The following DMPK variants were observed in gnomAD, a reference collection of about 807,000 sequenced individuals.
The protein encoded by DMPK is myotonin-protein kinase.
In DMPK, 32 loss-of-function variants were observed where a neutral mutation model predicts 70.3. The ratio of observed to expected loss-of-function variants is 0.46; its 90% CI spans 0.34 to 0.61. The LOEUF is 0.61. Ranked by LOEUF, DMPK falls within the 20% of genes least tolerant of loss-of-function variation. The pLI is 0.01. For missense variants in DMPK, 899 were observed against 886.0 expected, an observed-to-expected ratio of 1.01 and a Z score of -0.19; for synonymous variants, 469 against 390.9, an observed-to-expected ratio of 1.20 and a Z score of -2.36.
In DMPK at chr19:45,771,121, G is replaced by C. The variant is rs902727249; in HGVS notation, c.1648-61C>G. ...CCAGCCCAGCCCTCAGCGGTGGGGC[G>C]AGAGACAGCGAGGGGAATCGAGGTT... On this transcript the variant is annotated intron_variant, in intron 13 of 14. Coordinates refer to ENST00000291270, the MANE Select transcript of DMPK (RefSeq NM_004409.5). 4 of 1,342,614 alleles carry C rather than the reference G, an allele frequency of 3.0e-6. No homozygotes were observed. The African/African-American group carries it at 4.4e-5, about 15-fold the overall frequency. 83.2% of individuals were successfully genotyped at this position (1,342,614 alleles called of 1,614,324 possible). A position where few individuals can be genotyped will look rare whatever the true frequency, so the allele number is the denominator to read the frequency against.
rs776670683 is a variant in DMPK, at chr19:45,771,598, T to A, written c.1570A>T (p.Met524Leu). The part of the protein sequence containing the change: ...EAHVRQLQER[M>L]ELLQAEGATA... ...GCTCCCTCTGCCTGCAGCAACTCCA[T>A]CCGCTCCTGCAACTGCCGGACGTGT... Residue 524 changes from methionine to leucine, a missense_variant, in exon 12 of 15, where the codon ATG (methionine) becomes TTG (leucine). Physicochemically the swap from Met to Leu is conservative, Grantham distance 15. Around this residue, in one of 3 missense-constraint regions of DMPK, gnomAD observed 555 missense variants for 483.8 expected, o/e 1.15. Coordinates refer to ENST00000291270, the MANE Select transcript of DMPK (RefSeq NM_004409.5). 4 of 1,613,960 alleles carry A rather than the reference T, an allele frequency of 2.5e-6. No homozygotes were observed. The Admixed American group carries it at 5.0e-5, about 20-fold the overall frequency.
chr19:45,770,642 T>A lies in DMPK; in HGVS notation c.1738-2A>T. The A allele has an allele frequency of 6.4e-7, 1 of 1,551,036 alleles. No individual in the cohort carries two copies. The highest frequency in any genetic ancestry group is 8.7e-7 in the Non-Finnish European group (1 of 1,147,232). ...CTCCGATAGGCCAGGCCTAGGGACC[T>A]GCGGGGAGAGGGCGAGGTCAACACC... On this transcript the variant is annotated splice_acceptor_variant, in intron 14 of 14. Transcript: ENST00000291270. LOFTEE classifies it high-confidence loss of function.
At chr19:45,776,134 ATTT>A (rs534946812) in intron 8 of DMPK, among the ~76,000 whole-genome samples, 1 of 48,370 alleles carries the variant, frequency 2.1e-5, no homozygotes, top group African/African-American at 8.4e-5. Context: ...GGTCCAGCCT[ATTT>A]TTTTTTTTTT....
chr19:45,782,146 GCCCCAC>G, intron 1 of DMPK, 41 bp downstream of exon 1: 15 of 895,704 alleles, frequency 1.7e-5, no homozygotes, highest in Non-Finnish European at 2.1e-5. Context: ...CCTGTCTCCT[GCCCCAC>G]CCCCACCCCA....
rs190905403 is a variant in DMPK at position 45,770,472 on chromosome 19, A to C, written c.*16T>G. On this transcript the variant is annotated 3_prime_UTR_variant, in exon 15 of 15. Transcript: ENST00000291270. ...GTCTTCCAACGGGGCCCCGGAGTCG[A>C]AGACAGTTCTAGGGTTCAGGGAGCG... 7.6e-4 allele frequency: 1,179 copies of C among 1,549,850 alleles called. 5 individuals are homozygous for C. The highest frequency in any genetic ancestry group is 1.6e-3 in the South Asian group (135 of 84,020).
intron 4 of DMPK, chr19:45,779,048 C>T: frequency 1.7e-6 from 1 of 605,410 alleles, no homozygotes; most frequent in Non-Finnish European, 2.9e-6. Context: ...AAGAGTCCCC[C>T]AGATCACCCC....
At chr19:45,772,235 C>G (rs950063585) in intron 10 of DMPK, 1 of 415,028 alleles carries the variant, frequency 2.4e-6, no homozygotes. Context: ...CGACAAAAGG[C>G]CTTGCTGGGT....
chr19:45,775,861 C>G lies in DMPK; in HGVS notation c.1147-827G>C, dbSNP rs536346070. 6.7e-5 allele frequency among the ~76,000 whole-genome samples: 6 copies of G among 89,786 alleles called. 2 individuals are homozygous for G. The South Asian group carries it at 3.3e-3, about 49-fold the overall frequency. The allele number at this position is 89,786 out of a possible 152,430, so 58.9% of individuals were successfully genotyped here. A position where few individuals can be genotyped will look rare whatever the true frequency, so the allele number is the denominator to read the frequency against. On this transcript the variant is annotated intron_variant, in intron 8 of 14. Transcript: ENST00000291270. ...TTTGAGACAGAGTCTCACTCTGTCA[C>G]CCAGACTGGAGTGTAGTGGCATGAT... is the stretch of plus-strand genomic sequence containing the variant.
chr19:45,780,947 C>G (rs1442909463), intron 1 of DMPK, among the ~76,000 whole-genome samples: 1 of 152,136 alleles, frequency 6.6e-6, no homozygotes, highest in Non-Finnish European at 1.5e-5. Flanking sequence ...CCCTACCCCA[C>G]CCGGTCTCAG....
Position 45,771,046 on chromosome 19 carries a change from CG to C in DMPK, c.1661del (p.Pro554ArgfsTer79). The C allele has an allele frequency of 8.6e-6, 13 of 1,515,604 alleles. No individual in the cohort carries two copies. The highest frequency in any genetic ancestry group is 6.5e-5 in the Admixed American group (3 of 46,262). 93.9% of individuals were successfully genotyped at this position (1,515,604 alleles called of 1,614,324 possible). A position where few individuals can be genotyped will look rare whatever the true frequency, so the allele number is the denominator to read the frequency against. ...TDPPSHLDGP[P>X]AVAVGQCPLV... Reference sequence around the variant, plus strand: ...GCGGGCACTGGCCCACAGCCACGGCCGGGGGGCCATCTAGCTGGAGAGAGAA... The same window carrying C: ...GCGGGCACTGGCCCACAGCCACGGCCGGGGGCCATCTAGCTGGAGAGAGAA... On this transcript the variant is annotated frameshift_variant, in exon 14 of 15. Transcript: ENST00000291270. LOFTEE classifies it high-confidence loss of function.
At chr19:45,770,923 G>A (rs1291923884) in intron 14 of DMPK, 48 bp downstream of exon 14, 12 of 1,329,082 alleles carry the variant, frequency 9.0e-6, no homozygotes, top group African/African-American at 1.5e-5. Flanking sequence ...AGGGGCGGGT[G>A]GAGCGCGGGG....
rs1352885212 is a variant in DMPK at position 45,770,808 on chromosome 19, A to G, written c.1737+163T>C. ...CTCGCACGCCTCGAATCCCGTCCGA[A>G]CTCGTCATTGGCTGCTTCCTAGCGG... is the stretch of plus-strand genomic sequence containing the variant. On this transcript the variant is annotated intron_variant, in intron 14 of 14. Transcript: ENST00000291270. The G allele has an allele frequency of 9.1e-6, 9 of 984,912 alleles. No homozygotes were observed. The East Asian group carries it at 2.1e-4, about 23-fold the overall frequency. The allele number at this position is 984,912 out of a possible 1,614,324, so 61.0% of individuals were successfully genotyped here.
intron 4 of DMPK, 166 bp from the exon 5 acceptor site, chr19:45,778,807 G>A (rs1053037688): frequency 4.3e-6 from 3 of 696,270 alleles, no homozygotes; most frequent in East Asian, 2.8e-5. Context: ...GAGACCACCT[G>A]CGGCCCCCGC....
chr19:45,770,177 G>A lies in DMPK; in HGVS notation c.*311C>T. ...TCCACGTCAGGGCCTCAGCCTGGCC[G>A]AAAGAAAGAAATGGTCTGTGATCCC... On this transcript the variant is annotated 3_prime_UTR_variant, in exon 15 of 15. Coordinates refer to ENST00000291270, the MANE Select transcript of DMPK (RefSeq NM_004409.5). The A allele has an allele frequency of 1.5e-6, 1 of 678,164 alleles. No homozygotes were observed. Among genetic ancestry groups the A allele is most frequent in the South Asian group, 1.7e-5 (1 of 57,898 alleles). The allele number at this position is 678,164 out of a possible 1,614,324, so 42.0% of individuals were successfully genotyped here. A position where few individuals can be genotyped will look rare whatever the true frequency, so the allele number is the denominator to read the frequency against.
At chr19:45,779,221 G>A (rs374692384) in intron 4 of DMPK, 43 bp downstream of exon 4, 31 of 1,585,878 alleles carry the variant, frequency 2.0e-5, no homozygotes, top group African/African-American at 1.3e-4. Context: ...GTGACAGCAC[G>A]GGCTCTTGTC....
chr19:45,770,204 CCAGCAGCAG>C lies in DMPK; in HGVS notation c.*275_*283del. ...AAGAAAGAAATGGTCTGTGATCCCC[CCAGCAGCAG>C]CAGCAGCAGCAGCAGCAGCAGCAGC... On this transcript the variant is annotated 3_prime_UTR_variant, in exon 15 of 15. Coordinates refer to ENST00000291270, the MANE Select transcript of DMPK (RefSeq NM_004409.5). The C allele has an allele frequency of 5.0e-3, 3,576 of 715,458 alleles. 247 individuals are homozygous for C. The highest frequency in any genetic ancestry group is 9.6e-3 in the Admixed American group (442 of 46,074). The allele number at this position is 715,458 out of a possible 1,614,324, so 44.3% of individuals were successfully genotyped here.
Position 45,770,240 on chromosome 19 carries a change from G to A in DMPK, c.*248C>T, listed in dbSNP as rs1969286410. The A allele has an allele frequency of 2.5e-6, 1 of 402,446 alleles. No individual in the cohort carries two copies. Among genetic ancestry groups the A allele is most frequent in the Non-Finnish European group, 3.7e-6 (1 of 268,790 alleles). The allele number at this position is 402,446 out of a possible 1,614,324, so 24.9% of individuals were successfully genotyped here. A position where few individuals can be genotyped will look rare whatever the true frequency, so the allele number is the denominator to read the frequency against. ...AGCAGCAGCAGCAGCAGCAGCAGCA[G>A]CAGCAGCAGCAGCAGCAGCAGCAGC... is the stretch of plus-strand genomic sequence containing the variant. On this transcript the variant is annotated 3_prime_UTR_variant, in exon 15 of 15. Transcript: ENST00000291270.
Position 45,770,093 on chromosome 19 carries a change from G to T in DMPK, c.*395C>A, listed in dbSNP as rs1969246015. On this transcript the variant is annotated 3_prime_UTR_variant, in exon 15 of 15. Coordinates refer to ENST00000291270, the MANE Select transcript of DMPK (RefSeq NM_004409.5). Reference sequence around the variant, plus strand: ...GCGAACCAACGATAGGTGGGGGTGCGTGGAGGATGGAACACGGACGGCCCG... The same window carrying T: ...GCGAACCAACGATAGGTGGGGGTGCTTGGAGGATGGAACACGGACGGCCCG... 3 of 552,728 alleles carry T rather than the reference G, an allele frequency of 5.4e-6. No homozygotes were observed. The highest frequency in any genetic ancestry group is 9.9e-6 in the Non-Finnish European group (3 of 301,898). 34.2% of individuals were successfully genotyped at this position (552,728 alleles called of 1,614,324 possible). A position where few individuals can be genotyped will look rare whatever the true frequency, so the allele number is the denominator to read the frequency against.
chr19:45,778,768 TA>T, intron 4 of DMPK, 127 bp from the exon 5 acceptor site: 2 of 1,017,324 alleles, frequency 2.0e-6, no homozygotes, highest in Non-Finnish European at 2.9e-6. Flanking sequence ...AGCCCAGAGA[TA>T]ACCATAGAGA....
Sources: gnomAD v4.1 joint callset for allele counts (sites outside exome capture counted in the v4.1 genomes callset) on GRCh38, gnomAD v4.1.1 for gene constraint, gnomAD v4.1.1 regional missense constraint, MANE v1.5 for transcripts, NCBI Gene and HGNC (gene_info 2026-07-23, HGNC 2026-07-21) for gene names.